The following PRPF40B variants were observed in gnomAD, a reference collection of about 807,000 sequenced individuals.
PRPF40B encodes pre-mRNA processing factor 40B, also known as pre-mRNA-processing factor 40 homolog B.
Under a neutral mutation model 124.5 loss-of-function variants are expected in PRPF40B, and 56 were observed. The ratio of observed to expected loss-of-function variants is 0.45; its 90% CI spans 0.36 to 0.56. The LOEUF (loss-of-function observed/expected upper bound fraction) is 0.56. Ranked by LOEUF, PRPF40B falls within the 20% of genes least tolerant of loss-of-function variation. The pLI, the probability that PRPF40B is intolerant of heterozygous loss-of-function variation, is 0.00. For missense variants in PRPF40B, 1,053 were observed against 1,169.5 expected, an observed-to-expected ratio of 0.90 and a Z score of 1.45; for synonymous variants, 443 against 426.4, an observed-to-expected ratio of 1.04 and a Z score of -0.48.
upstream of PRPF40B, chr12:49,623,291 A>AGGCGCC (rs1940362605): frequency 4.2e-5 from 7 of 167,518 alleles, no homozygotes; most frequent in South Asian, 1.2e-3. Flanking sequence ...GGAGAGGCAG[A>AGGCGCC]GGCGCCGGCC....
At position 49,631,327 on chromosome 12, in the gene PRPF40B, C is replaced by A; in HGVS notation, c.85-74C>A. 9.0e-7 allele frequency: 1 copy of A among 1,111,012 alleles called. No homozygotes were observed. The highest frequency in any genetic ancestry group is 1.9e-5 in the South Asian group (1 of 53,546). The allele number at this position is 1,111,012 out of a possible 1,614,324, so 68.8% of individuals were successfully genotyped here. Reference sequence around the variant, plus strand: ...TTGGGGAGGGAGGTGGTGGATATTTCCTGACAGGTCCTCTCTACCTCTGAC... The same window carrying A: ...TTGGGGAGGGAGGTGGTGGATATTTACTGACAGGTCCTCTCTACCTCTGAC... On this transcript the variant is annotated intron_variant, in intron 2 of 25. Coordinates refer to ENST00000548825, the MANE Select transcript of PRPF40B (RefSeq NM_001031698.3). The surrounding 1 kb of genome is among the most constrained non-coding windows in gnomAD (Gnocchi z 4.3).
chr12:49,629,453 T>G (rs1382853337), intron 1 of PRPF40B, among the ~76,000 whole-genome samples: 1 of 152,252 alleles, frequency 6.6e-6, no homozygotes, highest in African/African-American at 2.4e-5. Context: ...ATTTTGGCCA[T>G]GTAGGGCTAT....
intron 10 of PRPF40B, 36 bp from the exon 11 acceptor site, chr12:49,634,295 TG>T: frequency 6.2e-7 from 1 of 1,613,744 alleles, no homozygotes; most frequent in Non-Finnish European, 8.5e-7. Context: ...CTGTGAGAGC[TG>T]GGGGACCCTG....
rs1251458919 is a variant in PRPF40B, at chr12:49,631,562, C to G, written c.228+18C>G. On this transcript the variant is annotated intron_variant, in intron 3 of 25. Coordinates refer to ENST00000548825, the MANE Select transcript of PRPF40B (RefSeq NM_001031698.3). This position sits in a 1 kb window ranked among gnomAD's most constrained non-coding sequence, Gnocchi z 4.3. ...TCACACAGGTAATTGTCTCTCCTCCCCTGGGGCCTCAGAAAACCCTGTCAG... is the reference window on the plus strand; with the variant it reads ...TCACACAGGTAATTGTCTCTCCTCCGCTGGGGCCTCAGAAAACCCTGTCAG... The G allele has an allele frequency of 1.3e-6, 2 of 1,544,156 alleles. No homozygotes were observed.
chr12:49,633,542 T>C lies in PRPF40B; in HGVS notation c.575T>C (p.Leu192Pro), dbSNP rs1305946171. The change falls in exon 8 of 26, where the codon CTA becomes CCA. Residue 192 changes from leucine (L) to proline (P), a missense_variant. By Grantham distance (98) the Leu-to-Pro change is moderately conservative. Coordinates refer to ENST00000548825, the MANE Select transcript of PRPF40B (RefSeq NM_001031698.3). ...RWTRPKDLDD[L>P]EVLVKQEAAG... ...ACCCGGCCCAAGGATCTGGATGACC[T>C]AGAGGGTGAGATGTCCTACGGGTGG... is the stretch of plus-strand genomic sequence containing the variant. The C allele has an allele frequency of 6.2e-7, 1 of 1,614,200 alleles. No homozygotes were observed. Among genetic ancestry groups the C allele is most frequent in the South Asian group, 1.1e-5 (1 of 91,086 alleles).
At chr12:49,641,674 A>C in intron 18 of PRPF40B, 1 of 519,858 alleles carries the variant, frequency 1.9e-6, no homozygotes, top group South Asian at 3.0e-5. Context: ...AGCAGTTGGG[A>C]GACATCTCCC....
chr12:49,642,045 T>C lies in PRPF40B; in HGVS notation c.1884+21T>C. On this transcript the variant is annotated intron_variant, in intron 19 of 25. Transcript: ENST00000548825. The surrounding 1 kb of genome is among the most constrained non-coding windows in gnomAD (Gnocchi z 5.8). ...ATAGTGTGAGGGGCTGGGCGGGGCG[T>C]GGGAAGTTCTCTAATTCATCTGTGT... 6.2e-7 allele frequency: 1 copy of C among 1,608,806 alleles called. No homozygotes were observed.
rs1592599701 is a variant in PRPF40B at position 49,637,165 on chromosome 12, C to T, written c.1561-305C>T. ...ACCCGACAGGCAGAGTTTATTCCCT[C>T]AGCTTGGGGGTGGCAGTGGTGGTGG... On this transcript the variant is annotated intron_variant, in intron 16 of 25. Coordinates refer to ENST00000548825, the MANE Select transcript of PRPF40B (RefSeq NM_001031698.3). The T allele has an allele frequency of 8.7e-6, 5 of 573,022 alleles. No individual in the cohort carries two copies. In the East Asian group the frequency reaches 1.5e-4, roughly 17 times the overall value. 35.5% of individuals were successfully genotyped at this position (573,022 alleles called of 1,614,324 possible). A position where few individuals can be genotyped will look rare whatever the true frequency, so the allele number is the denominator to read the frequency against.
Position 49,632,889 on chromosome 12 carries a change from T to C in PRPF40B, c.348+9T>C, listed in dbSNP as rs1436816783. ...CTGGGACAGGCCCTCCGGTGAGTTCTTCCAGCTCAGGGGTCTCTGGGTAGA... is the reference window on the plus strand; with the variant it reads ...CTGGGACAGGCCCTCCGGTGAGTTCCTCCAGCTCAGGGGTCTCTGGGTAGA... On this transcript the variant is annotated intron_variant, in intron 6 of 25. Transcript: ENST00000548825. The C allele has an allele frequency of 6.2e-7, 1 of 1,613,760 alleles. No homozygotes were observed.
chr12:49,636,334 G>A (rs761028170), intron 15 of PRPF40B, among the ~76,000 whole-genome samples: 3 of 152,124 alleles, frequency 2.0e-5, no homozygotes, highest in African/African-American at 7.2e-5. Context: ...AATTGGTCAC[G>A]TTACAATAGA....
At position 49,643,988 on chromosome 12, in the gene PRPF40B, G is replaced by T. The variant is rs375733550; in HGVS notation, c.2570G>T (p.Gly857Val). Reference protein sequence around the residue: ...AELPNRSPGFGIKKEKTGWDT... With the variant: ...AELPNRSPGFVIKKEKTGWDT... Reference sequence around the variant, plus strand: ...CTCCCTAACCGTTCCCCAGGCTTTGGAATCAAGAAGGAGAAGGTGAGGGGC... The same window carrying T: ...CTCCCTAACCGTTCCCCAGGCTTTGTAATCAAGAAGGAGAAGGTGAGGGGC... The change falls in exon 25 of 26, where the codon GGA (glycine) becomes GTA (valine). Residue 857 changes from glycine to valine, a missense_variant. By Grantham distance (109) the Gly-to-Val change is moderately radical. Coordinates refer to ENST00000548825, the MANE Select transcript of PRPF40B (RefSeq NM_001031698.3). 145 of 1,614,040 alleles carry T rather than the reference G, an allele frequency of 9.0e-5. No individual in the cohort carries two copies. The highest frequency in any genetic ancestry group is 1.2e-4 in the Non-Finnish European group (141 of 1,180,024).
chr12:49,638,226 G>A, intron 18 of PRPF40B: 1 of 182,352 alleles, frequency 5.5e-6, no homozygotes, highest in South Asian at 1.3e-4. Context: ...TAAACTGGTA[G>A]CACACAGATT....
intron 5 of PRPF40B, 41 bp downstream of exon 5, chr12:49,632,664 TG>T (rs773810581): frequency 4.3e-6 from 7 of 1,610,952 alleles, no homozygotes; most frequent in Non-Finnish European, 1.7e-6. Context: ...GCTCGGAGGT[TG>T]GGGGGCATAG....
In PRPF40B at chr12:49,627,361, C is replaced by T. The variant is rs1402495766; in HGVS notation, c.4-3184C>T. ...CTATAAAATTCTAATGGATAATTGCCGAAGGAGAAGGTACATGGTGTTGTA... is the reference window on the plus strand; with the variant it reads ...CTATAAAATTCTAATGGATAATTGCTGAAGGAGAAGGTACATGGTGTTGTA... On this transcript the variant is annotated intron_variant, in intron 1 of 25. Coordinates refer to ENST00000548825, the MANE Select transcript of PRPF40B (RefSeq NM_001031698.3). Among the ~76,000 whole-genome samples the T allele has an allele frequency of 2.0e-5, 3 of 151,998 alleles. 1 individual carries two copies. In the South Asian group the frequency reaches 6.2e-4, roughly 32 times the overall value.
chr12:49,634,701 A>T (rs998139057), intron 12 of PRPF40B, 99 bp downstream of exon 12: 1 of 1,464,268 alleles, frequency 6.8e-7, no homozygotes, highest in African/African-American at 1.4e-5. Flanking sequence ...TAAGGGAACC[A>T]GAGTCAGGAC....
At chr12:49,625,861 A>T (rs1940661293) in intron 1 of PRPF40B, among the ~76,000 whole-genome samples, 1 of 152,156 alleles carries the variant, frequency 6.6e-6, no homozygotes, top group Non-Finnish European at 1.5e-5. Flanking sequence ...TAGGAGAGGG[A>T]CGGGGTGTTT....
Position 49,631,449 on chromosome 12 carries a change from C to A in PRPF40B, c.133C>A (p.Pro45Thr), listed in dbSNP as rs768133812. Residue 45 changes from proline (P) to threonine (T), a missense_variant, in exon 3 of 26, where the codon CCC becomes ACC. Pro to Thr is a conservative substitution (Grantham distance 38, BLOSUM62 -1). This residue lies in a region of PRPF40B where 158 missense variants were observed against 117.3 expected (regional missense o/e 1.35). Transcript: ENST00000548825. The surrounding 1 kb of genome is among the most constrained non-coding windows in gnomAD (Gnocchi z 4.3). ...PPPFPPMGLPPMSQRPPAIPP... is the reference protein window; with the variant it reads ...PPPFPPMGLPTMSQRPPAIPP... Reference sequence around the variant, plus strand: ...ACCCTTTCCTCCGATGGGGCTACCCCCCATGAGTCAGAGACCACCAGCTAT... The same window carrying A: ...ACCCTTTCCTCCGATGGGGCTACCCACCATGAGTCAGAGACCACCAGCTAT... 1.4e-5 allele frequency: 21 copies of A among 1,462,850 alleles called. No homozygotes were observed. The highest frequency in any genetic ancestry group is 1.9e-5 in the Non-Finnish European group (21 of 1,095,128). 90.6% of individuals were successfully genotyped at this position (1,462,850 alleles called of 1,614,324 possible). A position where few individuals can be genotyped will look rare whatever the true frequency, so the allele number is the denominator to read the frequency against.
Position 49,631,455 on chromosome 12 carries a change from A to G in PRPF40B, c.139A>G (p.Ser47Gly), listed in dbSNP as rs1331531525. 7.0e-7 allele frequency: 1 copy of G among 1,419,654 alleles called. No individual in the cohort carries two copies. The highest frequency in any genetic ancestry group is 9.4e-7 in the Non-Finnish European group (1 of 1,069,000). 87.9% of individuals were successfully genotyped at this position (1,419,654 alleles called of 1,614,324 possible). A position where few individuals can be genotyped will look rare whatever the true frequency, so the allele number is the denominator to read the frequency against. Residue 47 changes from serine to glycine, a missense_variant, in exon 3 of 26, where the codon AGT becomes GGT. By Grantham distance (56) the Ser-to-Gly change is moderately conservative. This residue lies in a region of PRPF40B where 158 missense variants were observed against 117.3 expected (regional missense o/e 1.35). Coordinates refer to ENST00000548825, the MANE Select transcript of PRPF40B (RefSeq NM_001031698.3). This position sits in a 1 kb window ranked among gnomAD's most constrained non-coding sequence, Gnocchi z 4.3. ...TCCTCCGATGGGGCTACCCCCCATGAGTCAGAGACCACCAGCTATCCCCCC... is the reference window on the plus strand; with the variant it reads ...TCCTCCGATGGGGCTACCCCCCATGGGTCAGAGACCACCAGCTATCCCCCC... ...PFPPMGLPPM[S>G]QRPPAIPPMP...
In PRPF40B at chr12:49,642,027, G is replaced by A; in HGVS notation, c.1884+3G>A. 1.2e-6 allele frequency: 2 copies of A among 1,611,936 alleles called. No individual in the cohort carries two copies. The highest frequency in any genetic ancestry group is 1.7e-6 in the Non-Finnish European group (2 of 1,179,896). ...ACATCAAGCTGACCTTCAATAGTGT[G>A]AGGGGCTGGGCGGGGCGTGGGAAGT... On this transcript the variant is annotated splice_donor_region_variant and intron_variant, in intron 19 of 25. Transcript: ENST00000548825. The surrounding 1 kb of genome is among the most constrained non-coding windows in gnomAD (Gnocchi z 5.8).
Sources: allele counts gnomAD v4.1 joint callset (sites outside exome capture counted in the v4.1 genomes callset), GRCh38; gene constraint gnomAD v4.1.1; regional missense constraint gnomAD v4.1.1; non-coding constraint Gnocchi (gnomAD v3.1); transcripts MANE v1.5; gene names NCBI Gene and HGNC (gene_info 2026-07-23, HGNC 2026-07-21).